The following KREMEN1 variants were observed in gnomAD, a reference collection of about 807,000 sequenced individuals.
The protein encoded by KREMEN1 is kringle containing transmembrane protein 1.
Under a neutral mutation model 46.5 loss-of-function variants are expected in KREMEN1, and 30 were observed. The ratio of observed to expected loss-of-function variants is 0.65; its 90% confidence interval spans 0.48 to 0.88. The LOEUF (loss-of-function observed/expected upper bound fraction) is 0.88, where lower values mean the gene tolerates loss of function less well. Ranked by LOEUF, KREMEN1 falls within the 40% of genes least tolerant of loss-of-function variation. The pLI, the probability that KREMEN1 is intolerant of heterozygous loss-of-function variation, is 0.00. For synonymous variants in KREMEN1, 214 were observed against 230.6 expected, an observed-to-expected ratio of 0.93 and a Z score of 0.65; for missense variants, 533 against 596.9, an observed-to-expected ratio of 0.89 and a Z score of 1.11.
At chr22:29,083,896 G>T (rs134625) in intron 1 of KREMEN1, among the ~76,000 whole-genome samples, 96,746 of 151,494 alleles carry the variant, frequency 0.64, 31,066 homozygotes, top group Middle Eastern at 0.78. Flanking sequence ...TATTAGAGAA[G>T]TAAATCAACA....
At chr22:29,085,745 C>G (rs951645170) in intron 1 of KREMEN1, among the ~76,000 whole-genome samples, 1 of 152,142 alleles carries the variant, frequency 6.6e-6, no homozygotes, top group South Asian at 2.1e-4. Flanking sequence ...GAGGCAGAGG[C>G]AGGTGGATAG....
Position 29,136,991 on chromosome 22 carries a change from C to T in KREMEN1, c.632-351C>T, listed in dbSNP as rs115442676. On this transcript the variant is annotated intron_variant, in intron 5 of 8. Transcript: ENST00000400335. ...CCGTGATACAGGAGCAGATGGTGCT[C>T]TCTCCAGCCTTGAAACTGAGAGAAG... 2.4e-3 allele frequency among the ~76,000 whole-genome samples: 362 copies of T among 152,326 alleles called. 3 individuals are homozygous for T. Among genetic ancestry groups the T allele is most frequent in the African/African-American group, 8.4e-3 (350 of 41,566 alleles).
intron 5 of KREMEN1, 63 bp downstream of exon 5, chr22:29,125,479 C>A: frequency 6.5e-7 from 1 of 1,529,068 alleles, no homozygotes; most frequent in Non-Finnish European, 9.0e-7. Flanking sequence ...GAGCAACAAG[C>A]CTGCCCACCC....
rs892390554 is a variant in KREMEN1 at position 29,131,297 on chromosome 22, C to T, written c.631+5881C>T. ...CAGGATTAGAACCCAGGAAGTCTTT[C>T]TCCAAAGCTTGATTTTTTCTTAAAT... is the stretch of plus-strand genomic sequence containing the variant. On this transcript the variant is annotated intron_variant, in intron 5 of 8. Transcript: ENST00000400335. 3.3e-5 allele frequency among the ~76,000 whole-genome samples: 5 copies of T among 151,936 alleles called. No homozygotes were observed. The East Asian group carries it at 5.8e-4, about 18-fold the overall frequency.
At chr22:29,149,461 C>T (rs1190262578), downstream of KREMEN1, among the ~76,000 whole-genome samples, 2 of 152,130 alleles carry the variant, frequency 1.3e-5, no homozygotes, top group Non-Finnish European at 1.5e-5. Context: ...GCGTCCGACC[C>T]ATGATGGCCC....
chr22:29,163,827 C>T (rs945818848), intron 9 of KREMEN1, among the ~76,000 whole-genome samples: 1 of 152,204 alleles, frequency 6.6e-6, no homozygotes, highest in African/African-American at 2.4e-5. Flanking sequence ...ACTATGCTCA[C>T]CACCTGGCTG....
In KREMEN1 at chr22:29,073,223, A is replaced by T. The variant is rs1255923293; in HGVS notation, c.93A>T (p.Gly31=). ...CGCCTAGCCCCGGCCTCGGCCCCGGACCCGGTGAGTGTGAGCGACCCCCCG... is the reference window on the plus strand; with the variant it reads ...CGCCTAGCCCCGGCCTCGGCCCCGGTCCCGGTGAGTGTGAGCGACCCCCCG... The part of the protein sequence containing the change: ...RPAPSPGLGP[G]PECFTANGAD... Residue 31 remains glycine (G), a synonymous_variant, in exon 1 of 9, where the codon GGA becomes GGT. Coordinates refer to ENST00000400335, the MANE Select transcript of KREMEN1 (RefSeq NM_001039570.3). The surrounding 1 kb of genome is among the most constrained non-coding windows in gnomAD (Gnocchi z 4.4). The T allele has an allele frequency of 8.6e-7, 1 of 1,163,994 alleles. No homozygotes were observed. The highest frequency in any genetic ancestry group is 1.6e-5 in the African/African-American group (1 of 61,292). The allele number at this position is 1,163,994 out of a possible 1,614,324, so 72.1% of individuals were successfully genotyped here.
intron 5 of KREMEN1, among the ~76,000 whole-genome samples, chr22:29,132,281 A>G (rs781363037): frequency 2.7e-4 from 41 of 152,144 alleles, no homozygotes; most frequent in Non-Finnish European, 4.7e-4. Context: ...CTGTTCATCT[A>G]TTCACCAATT....
chr22:29,136,295 C>T (rs992941296), intron 5 of KREMEN1, among the ~76,000 whole-genome samples: 7 of 148,226 alleles, frequency 4.7e-5, no homozygotes, highest in South Asian at 4.8e-4. Flanking sequence ...TAGCCCTGGC[C>T]GGGTGCGGTG....
intron 3 of KREMEN1, among the ~76,000 whole-genome samples, chr22:29,106,218 C>CTTT (rs36063476): frequency 4.2e-5 from 6 of 143,184 alleles, no homozygotes; most frequent in Non-Finnish European, 7.7e-5. Context: ...TTCACATTAT[C>CTTT]TTTTTTTTTT....
intron 1 of KREMEN1, 102 bp from the exon 2 acceptor site, chr22:29,094,156 C>A: frequency 1.1e-6 from 1 of 910,436 alleles, no homozygotes; most frequent in Non-Finnish European, 1.7e-6. Flanking sequence ...AGACACTATC[C>A]ATTTCCAGCT....
chr22:29,099,049 G>C (rs2037932131), intron 3 of KREMEN1, 96 bp downstream of exon 3: 6 of 887,530 alleles, frequency 6.8e-6, no homozygotes, highest in Non-Finnish European at 1.1e-5. Context: ...AGTTAGGCTG[G>C]TGGATTTCAT....
chr22:29,153,004 G>T (rs2038929047), intron 9 of KREMEN1, among the ~76,000 whole-genome samples: 1 of 152,236 alleles, frequency 6.6e-6, no homozygotes, highest in Non-Finnish European at 1.5e-5. Flanking sequence ...GATTATTCAT[G>T]AGTTTTCTGG....
At chr22:29,076,722 C>T (rs944976963) in intron 1 of KREMEN1, among the ~76,000 whole-genome samples, 1 of 152,028 alleles carries the variant, frequency 6.6e-6, no homozygotes, top group African/African-American at 2.4e-5. Flanking sequence ...CATGGTGGCA[C>T]GTGCCTGTAA....
rs914400944 is a variant in KREMEN1 at position 29,144,633 on chromosome 22, C to T, written c.*2521C>T. On this transcript the variant is annotated 3_prime_UTR_variant, in exon 9 of 9. Transcript: ENST00000400335. ...TCAAACATAAGTGTCAGGTGTGTGT[C>T]GTCCCAACGGGTCCTGTGCTGTGAA... The T allele has an allele frequency of 7.1e-6, 7 of 985,410 alleles. No homozygotes were observed. Among genetic ancestry groups the T allele is most frequent in the Middle Eastern group, 5.2e-4 (1 of 1,936 alleles). The allele number at this position is 985,410 out of a possible 1,614,324, so 61.0% of individuals were successfully genotyped here.
chr22:29,115,873 C>T (rs945877984), intron 3 of KREMEN1, among the ~76,000 whole-genome samples: 3 of 152,168 alleles, frequency 2.0e-5, no homozygotes, highest in African/African-American at 7.2e-5. Context: ...GGGAAACTTG[C>T]AAATACACTA....
intron 5 of KREMEN1, among the ~76,000 whole-genome samples, chr22:29,134,863 C>T (rs776431902): frequency 1.4e-4 from 22 of 152,200 alleles, no homozygotes; most frequent in African/African-American, 2.2e-4. Flanking sequence ...GAGGAGTTCC[C>T]ACATGCCTGT....
intron 9 of KREMEN1, among the ~76,000 whole-genome samples, chr22:29,160,807 C>T (rs1486316418): frequency 6.6e-6 from 1 of 152,006 alleles, no homozygotes; most frequent in Non-Finnish European, 1.5e-5. Context: ...TAATATCGCA[C>T]ATAGAGGAAC....
chr22:29,140,336 T>C lies in KREMEN1; in HGVS notation c.1178T>C (p.Val393Ala), dbSNP rs2038741714. 6 of 1,614,080 alleles carry C rather than the reference T, an allele frequency of 3.7e-6. No homozygotes were observed. Among genetic ancestry groups the C allele is most frequent in the Middle Eastern group, 1.6e-4 (1 of 6,062 alleles). The change falls in exon 8 of 9, where the codon GTA (valine) becomes GCA (alanine). Residue 393 changes from valine (V) to alanine (A), a missense_variant. By Grantham distance (64) the Val-to-Ala change is moderately conservative (BLOSUM62 0). Coordinates refer to ENST00000400335, the MANE Select transcript of KREMEN1 (RefSeq NM_001039570.3). ...CTCATCCTCACAGTCACAGCCATTG[T>C]AGCAAAGATACTTCTGCACGTCACA... The part of the protein sequence containing the change: ...TLLILTVTAI[V>A]AKILLHVTFK...
Sources: allele counts gnomAD v4.1 joint callset (sites outside exome capture counted in the v4.1 genomes callset), GRCh38; gene constraint gnomAD v4.1.1; non-coding constraint Gnocchi (gnomAD v3.1); transcripts MANE v1.5; gene names NCBI Gene and HGNC (gene_info 2026-07-23, HGNC 2026-07-21).